Variants in CYP4F8 observed in about 807,000 individuals in gnomAD.
CYP4F8 encodes the protein cytochrome P450 4F8.
Under a neutral mutation model 55.0 loss-of-function variants are expected in CYP4F8, and 56 were observed. That is an observed-to-expected ratio of 1.02 (90% CI 0.82 to 1.27). CYP4F8 has a LOEUF of 1.27. Among genes scored for constraint, CYP4F8 ranks in the 50% most tolerant of loss-of-function variants. The pLI, the probability that CYP4F8 is intolerant of heterozygous loss-of-function variation, is 0.00. For synonymous variants in CYP4F8, 288 were observed against 267.3 expected (o/e 1.08, Z -0.76); for missense variants, 680 against 682.4 (o/e 1.00, Z 0.04).
At chr19:15,621,470 G>A (rs58563744) in intron 5 of CYP4F8, among the ~76,000 whole-genome samples, 23,287 of 152,152 alleles carry the variant, frequency 0.15, 1,842 homozygotes, top group Middle Eastern at 0.21. Context: ...AGGTTGCAGT[G>A]AGCCAAGACT....
At chr19:15,619,898 A>G in intron 5 of CYP4F8, 136 bp downstream of exon 5, 1 of 1,168,880 alleles carries the variant, frequency 8.6e-7, no homozygotes. Flanking sequence ...TTTCCCCATG[A>G]GGCTAATAAT....
chr19:15,619,860 G>A, intron 5 of CYP4F8, 98 bp downstream of exon 5: 1 of 1,451,128 alleles, frequency 6.9e-7, no homozygotes, highest in South Asian at 1.3e-5. Flanking sequence ...TGGGTTTGGG[G>A]CCATTGCTCT....
At chr19:15,617,483 CATCTATCTATCT>C (rs71176449) in intron 2 of CYP4F8, among the ~76,000 whole-genome samples, 3,854 of 149,664 alleles carry the variant, frequency 0.026, 86 homozygotes, top group African/African-American at 0.051. Context: ...TCAATATCTA[CATCTATCTATCT>C]ATCTATCTAT....
intron 11 of CYP4F8, 59 bp from the exon 12 acceptor site, chr19:15,628,702 G>A (rs1248164870): frequency 6.2e-7 from 1 of 1,608,960 alleles, no homozygotes; most frequent in African/African-American, 1.3e-5. Context: ...TGTTTTATGT[G>A]GGGGTGGCTG....
rs531990371 is a variant in CYP4F8 at position 15,618,498 on chromosome 19, A to T, written c.343+354A>T. The T allele has an allele frequency of 1.3e-5, 5 of 381,610 alleles. No individual in the cohort carries two copies. The East Asian group carries it at 3.4e-4, about 26-fold the overall frequency. The allele number at this position is 381,610 out of a possible 1,614,324, so 23.6% of individuals were successfully genotyped here. ...GCCAGGAGGAGATAGGCTGTGACAGAGCATAGGAGAACAAGGTTTCTACTG... is the reference window on the plus strand; with the variant it reads ...GCCAGGAGGAGATAGGCTGTGACAGTGCATAGGAGAACAAGGTTTCTACTG... On this transcript the variant is annotated intron_variant, in intron 3 of 12. Transcript: ENST00000612078.
At chr19:15,619,582 TG>T in intron 4 of CYP4F8, 39 bp downstream of exon 4, 1 of 1,614,152 alleles carries the variant, frequency 6.2e-7, no homozygotes, top group Non-Finnish European at 8.5e-7. Context: ...GACCAACTTT[TG>T]TGGCCAGGGG....
At position 15,619,671 on chromosome 19, in the gene CYP4F8, G is replaced by T; in HGVS notation, c.434G>T (p.Arg145Ile). Residue 145 changes from arginine to isoleucine, a missense_variant, in exon 5 of 13, where the codon AGA becomes ATA. Physicochemically the swap from Arg to Ile is moderately conservative, Grantham distance 97. Transcript: ENST00000612078. Reference protein sequence around the residue: ...GLLLSVGDKWRHHRRLLTPAF... With the variant: ...GLLLSVGDKWIHHRRLLTPAF... ...TTGTTAAGTGTTGGTGACAAGTGGA[G>T]ACACCACCGTCGCTTGCTGACGCCT... 2 of 1,614,224 alleles carry T rather than the reference G, an allele frequency of 1.2e-6. No homozygotes were observed. The highest frequency in any genetic ancestry group is 1.7e-6 in the Non-Finnish European group (2 of 1,180,040).
chr19:15,616,638 A>C (rs1326410134), intron 2 of CYP4F8, among the ~76,000 whole-genome samples: 1 of 152,146 alleles, frequency 6.6e-6, no homozygotes, highest in African/African-American at 2.4e-5. Flanking sequence ...ATCATGACAC[A>C]GCTGGGCCAG....
intron 3 of CYP4F8, 191 bp from the exon 4 acceptor site, chr19:15,619,299 A>T: frequency 1.7e-6 from 1 of 602,280 alleles, no homozygotes; most frequent in Non-Finnish European, 2.9e-6. Flanking sequence ...ATTGCTCTAT[A>T]GTGTTGTTGC....
intron 9 of CYP4F8, 136 bp downstream of exon 9, chr19:15,624,230 G>C (rs544880833): frequency 7.0e-7 from 1 of 1,425,514 alleles, no homozygotes; most frequent in Non-Finnish European, 9.3e-7. Context: ...TAGGAGTAGA[G>C]CCCAGAAACA....
chr19:15,623,943 A>C, intron 8 of CYP4F8, 22 bp from the exon 9 acceptor site: 6 of 1,613,174 alleles, frequency 3.7e-6, no homozygotes, highest in Non-Finnish European at 4.2e-6. Context: ...CAGAGACTCA[A>C]GCCTGCCTGG....
At chr19:15,621,556 C>T (rs1972194307) in intron 5 of CYP4F8, 2 of 151,664 alleles carry the variant, frequency 1.3e-5, no homozygotes, top group African/African-American at 4.8e-5. Context: ...AACAAACAAA[C>T]AACAACAACA....
At chr19:15,615,516 C>G in intron 1 of CYP4F8, 100 bp from the exon 2 acceptor site, 1 of 1,347,608 alleles carries the variant, frequency 7.4e-7, no homozygotes, top group Non-Finnish European at 9.9e-7. Flanking sequence ...CTGAATCTCC[C>G]TCCATGCTCT....
chr19:15,621,512 C>T (rs182417461), intron 5 of CYP4F8, among the ~76,000 whole-genome samples: 7 of 152,212 alleles, frequency 4.6e-5, no homozygotes, highest in African/African-American at 1.2e-4. Flanking sequence ...GGCAACAGAA[C>T]GAGACTCCAT....
intron 7 of CYP4F8, 52 bp from the exon 8 acceptor site, chr19:15,623,647 G>A (rs1972224210): frequency 1.2e-6 from 2 of 1,601,930 alleles, no homozygotes; most frequent in African/African-American, 2.7e-5. Context: ...GACTGTTTCA[G>A]TTTAGACTCC....
At chr19:15,627,279 G>A (rs1260999069) in intron 9 of CYP4F8, 3 of 151,918 alleles carry the variant, frequency 2.0e-5, no homozygotes, top group Non-Finnish European at 4.4e-5. Flanking sequence ...TTTGAGACCA[G>A]CCTGGCCAAC....
At position 15,622,914 on chromosome 19, in the gene CYP4F8, A is replaced by G. The variant is rs1022514692; in HGVS notation, c.648-191A>G. On this transcript the variant is annotated intron_variant, in intron 6 of 12. Coordinates refer to ENST00000612078, the MANE Select transcript of CYP4F8 (RefSeq NM_007253.4). ...TATAAGACAGAGAGAGGAGATGCCC[A>G]TGATGGCCAAGCTGTGCCCTGGGGA... 8 of 630,500 alleles carry G rather than the reference A, an allele frequency of 1.3e-5. No homozygotes were observed. In the African/African-American group the frequency reaches 1.3e-4, roughly 10 times the overall value. 39.1% of individuals were successfully genotyped at this position (630,500 alleles called of 1,614,324 possible).
rs750826332 is a variant in CYP4F8, at chr19:15,628,526, G to T, written c.1250-5G>T. ...TTGTTCTTACTGTCCTCTCCTGCAC[G>T]ACAGGGAATGTCTGTAACATCAACA... is the stretch of plus-strand genomic sequence containing the variant. On this transcript the variant is annotated splice_polypyrimidine_tract_variant and splice_region_variant and intron_variant, in intron 10 of 12. Transcript: ENST00000612078. 1.9e-6 allele frequency: 3 copies of T among 1,613,768 alleles called. No homozygotes were observed. The highest frequency in any genetic ancestry group is 4.5e-5 in the East Asian group (2 of 44,886).
intron 7 of CYP4F8, 24 bp downstream of exon 7, chr19:15,623,399 T>C (rs1972220903): frequency 1.2e-6 from 2 of 1,609,458 alleles, no homozygotes; most frequent in Non-Finnish European, 1.7e-6. Flanking sequence ...GGATCTGAAT[T>C]CAAGAGGTAA....
Sources: gnomAD v4.1 joint callset for allele counts (sites outside exome capture counted in the v4.1 genomes callset) on GRCh38, gnomAD v4.1.1 for gene constraint, MANE v1.5 for transcripts, NCBI Gene and HGNC (gene_info 2026-07-23, HGNC 2026-07-21) for gene names.